Variants in RIT2 observed in about 807,000 individuals in gnomAD.
The protein encoded by RIT2 is GTP-binding protein Rit2.
RIT2 carries 24 observed loss-of-function variants against 23.7 expected under a neutral mutation model. That is an observed-to-expected ratio of 1.01 (90% CI 0.73 to 1.43). RIT2 has a LOEUF of 1.43. RIT2 is among the 40% of genes most tolerant of loss of function. The pLI is 0.00. For synonymous variants in RIT2, 107 were observed against 91.1 expected, an observed-to-expected ratio of 1.17 and a Z score of -0.99; for missense variants, 236 against 266.9, an observed-to-expected ratio of 0.88 and a Z score of 0.81.
chr18:42,878,685 C>A (rs575851163), intron 4 of RIT2, among the ~76,000 whole-genome samples: 1 of 151,882 alleles, frequency 6.6e-6, no homozygotes, highest in African/African-American at 2.4e-5. Context: ...TTGGCAACAA[C>A]TTTCAAAACA....
chr18:43,043,784 A>C (rs1912183522), intron 1 of RIT2, among the ~76,000 whole-genome samples: 1 of 152,094 alleles, frequency 6.6e-6, no homozygotes, highest in African/African-American at 2.4e-5. Context: ...GGGCAACAAG[A>C]GCGAAACTCC....
intron 4 of RIT2, among the ~76,000 whole-genome samples, chr18:42,912,878 G>A (rs770492726): frequency 2.9e-4 from 44 of 152,006 alleles, no homozygotes; most frequent in Non-Finnish European, 3.2e-4. Context: ...CTTTCAAAAT[G>A]TCATCGTAGT....
intron 1 of RIT2, among the ~76,000 whole-genome samples, chr18:43,078,674 G>C (rs941332886): frequency 1.3e-5 from 2 of 152,190 alleles, no homozygotes; most frequent in Non-Finnish European, 2.9e-5. Context: ...GCAAACCAGG[G>C]AGAAGGCTAA....
At chr18:42,930,969 C>G (rs2144144592) in intron 3 of RIT2, among the ~76,000 whole-genome samples, 1 of 152,172 alleles carries the variant, frequency 6.6e-6, no homozygotes, top group African/African-American at 2.4e-5. Flanking sequence ...TTTTTGACAG[C>G]TTTCTTCTAG....
chr18:42,874,985 T>G (rs1261159719), intron 4 of RIT2, among the ~76,000 whole-genome samples: 1 of 152,086 alleles, frequency 6.6e-6, no homozygotes, highest in African/African-American at 2.4e-5. Context: ...TTAAAGTTTA[T>G]TTACATAGTT....
At chr18:42,982,949 C>T (rs1019047622) in intron 2 of RIT2, among the ~76,000 whole-genome samples, 6 of 151,832 alleles carry the variant, frequency 4.0e-5, no homozygotes, top group Admixed American at 6.6e-5. Flanking sequence ...AATTGCAGAA[C>T]ATTTTTTGTA....
At chr18:43,057,819 A>ATTTTTTTTTT (rs1912544833) in intron 1 of RIT2, among the ~76,000 whole-genome samples, 1 of 78,412 alleles carries the variant, frequency 1.3e-5, no homozygotes, top group Non-Finnish European at 2.6e-5. Flanking sequence ...TTTTTTTATC[A>ATTTTTTTTTT]TCTAAGGCAG....
chr18:43,013,034 G>T (rs185534525), intron 2 of RIT2, among the ~76,000 whole-genome samples: 34 of 151,874 alleles, frequency 2.2e-4, no homozygotes, highest in Admixed American at 8.5e-4. Context: ...TGTCTCAGAT[G>T]CTCTTCTCCA....
chr18:42,959,100 A>G (rs904810319), intron 3 of RIT2, among the ~76,000 whole-genome samples: 5 of 152,272 alleles, frequency 3.3e-5, no homozygotes, highest in South Asian at 4.1e-4. Flanking sequence ...GCACTAGACC[A>G]CACTTCATGA....
At chr18:43,115,329 C>T (rs1914042788) in intron 1 of RIT2, 88 bp downstream of exon 1, 2 of 1,523,538 alleles carry the variant, frequency 1.3e-6, no homozygotes, top group Non-Finnish European at 1.8e-6. Context: ...TCACCTCTAA[C>T]AGCATCAGCA....
chr18:42,940,236 C>A lies in RIT2; in HGVS notation c.235-16473G>T, dbSNP rs1310427259. 5.7e-5 allele frequency among the ~76,000 whole-genome samples: 5 copies of A among 86,964 alleles called. No homozygotes were observed. The South Asian group carries it at 2.3e-3, about 41-fold the overall frequency. The allele number at this position is 86,964 out of a possible 152,430, so 57.1% of individuals were successfully genotyped here. On this transcript the variant is annotated intron_variant, in intron 3 of 4. Coordinates refer to ENST00000326695, the MANE Select transcript of RIT2 (RefSeq NM_002930.4). ...CCTCTCTCAAATTTTGAAAGGCTCACTATATATATATATATATATATATAT... is the reference window on the plus strand; with the variant it reads ...CCTCTCTCAAATTTTGAAAGGCTCAATATATATATATATATATATATATAT...
intron 4 of RIT2, among the ~76,000 whole-genome samples, chr18:42,878,051 C>T (rs529094460): frequency 4.6e-4 from 70 of 151,248 alleles, no homozygotes; most frequent in Admixed American, 7.9e-4. Flanking sequence ...CCAAGTATTT[C>T]GGATAAGAGA....
chr18:43,020,200 T>C (rs769716988), intron 2 of RIT2, among the ~76,000 whole-genome samples: 3 of 152,148 alleles, frequency 2.0e-5, no homozygotes, highest in Non-Finnish European at 4.4e-5. Flanking sequence ...AAAATGCATA[T>C]GAGGCCAGGC....
In RIT2 at chr18:43,066,309, A is replaced by C. The variant is rs537075524; in HGVS notation, c.104-32442T>G. 2.6e-5 allele frequency among the ~76,000 whole-genome samples: 4 copies of C among 152,298 alleles called. No individual in the cohort carries two copies. The South Asian group carries it at 8.3e-4, about 32-fold the overall frequency. ...TTATGATTGGCTATTTAATTCACAA[A>C]ATTTACAAAGAAAATCCATAGAAAA... is the stretch of plus-strand genomic sequence containing the variant. On this transcript the variant is annotated intron_variant, in intron 1 of 4. Transcript: ENST00000326695.
intron 4 of RIT2, among the ~76,000 whole-genome samples, chr18:42,801,410 C>G (rs949267737): frequency 3.9e-5 from 6 of 152,140 alleles, no homozygotes; most frequent in Admixed American, 3.9e-4. Context: ...TATTGGAAGG[C>G]AGAAAGATCC....
intron 4 of RIT2, among the ~76,000 whole-genome samples, chr18:42,754,716 A>G (rs759810112): frequency 2.0e-5 from 3 of 152,240 alleles, no homozygotes; most frequent in African/African-American, 4.8e-5. Flanking sequence ...GTGCCACACA[A>G]TAAGCAAGCC....
intron 1 of RIT2, among the ~76,000 whole-genome samples, chr18:43,063,881 GGGA>G (rs1912710278): frequency 6.6e-6 from 1 of 152,144 alleles, no homozygotes; most frequent in Non-Finnish European, 1.5e-5. Flanking sequence ...GGAGGTCATA[GGGA>G]GGAGTAAGAC....
chr18:42,959,494 A>T (rs1910048979), intron 3 of RIT2, among the ~76,000 whole-genome samples: 1 of 152,188 alleles, frequency 6.6e-6, no homozygotes, highest in African/African-American at 2.4e-5. Context: ...TTTTAAAAAG[A>T]CAGTTTTCTC....
intron 4 of RIT2, chr18:42,923,331 T>A (rs983181117): frequency 2.1e-6 from 1 of 478,466 alleles, no homozygotes; most frequent in Admixed American, 3.6e-5. Flanking sequence ...GTATTCAGTA[T>A]ACAATCCCAG....
Sources: allele counts gnomAD v4.1 joint callset (sites outside exome capture counted in the v4.1 genomes callset), GRCh38; gene constraint gnomAD v4.1.1; transcripts MANE v1.5; gene names NCBI Gene and HGNC (gene_info 2026-07-23, HGNC 2026-07-21).